The following PLEKHM3 variants were observed in gnomAD, a reference collection of about 807,000 sequenced individuals.
PLEKHM3 encodes the protein pleckstrin homology domain-containing family M member 3.
PLEKHM3 carries 45 observed loss-of-function variants against 81.8 expected under a neutral mutation model. That is an observed-to-expected ratio of 0.55 (90% CI 0.43 to 0.71). The LOEUF is 0.71. Ranked by LOEUF, PLEKHM3 falls within the 30% of genes least tolerant of loss-of-function variation. The pLI is 0.00. For synonymous variants in PLEKHM3, 352 were observed against 356.4 expected (o/e 0.99, Z 0.14); for missense variants, 788 against 924.3 (o/e 0.85, Z 1.91).
intron 6 of PLEKHM3, among the ~76,000 whole-genome samples, chr2:207,863,831 G>T (rs1245450910): frequency 6.6e-6 from 1 of 151,682 alleles, no homozygotes; most frequent in Non-Finnish European, 1.5e-5. Context: ...AATAATAAAA[G>T]AATAACTTTT....
chr2:207,840,810 T>A (rs570867569), intron 7 of PLEKHM3, among the ~76,000 whole-genome samples: 47 of 144,422 alleles, frequency 3.3e-4, no homozygotes, highest in South Asian at 1.1e-3. Context: ...TTTTTTTTTT[T>A]TTTTTTTTTT....
intron 7 of PLEKHM3, among the ~76,000 whole-genome samples, chr2:207,829,103 G>A (rs991813913): frequency 1.3e-5 from 2 of 152,110 alleles, no homozygotes; most frequent in Non-Finnish European, 2.9e-5. Context: ...TTTATAACAT[G>A]AGCGTGAACA....
intron 2 of PLEKHM3, among the ~76,000 whole-genome samples, chr2:207,980,962 T>C (rs1369578540): frequency 6.6e-6 from 1 of 151,970 alleles, no homozygotes; most frequent in Admixed American, 6.6e-5. Flanking sequence ...ACCCCATCTC[T>C]ACTAAAAATA....
chr2:207,954,043 A>C (rs1034579862), intron 3 of PLEKHM3, among the ~76,000 whole-genome samples: 8 of 152,266 alleles, frequency 5.3e-5, no homozygotes, highest in African/African-American at 1.7e-4. Context: ...ATTTCCAGCC[A>C]GGCACTGGTG....
At chr2:207,944,659 A>T (rs1264074671) in intron 4 of PLEKHM3, among the ~76,000 whole-genome samples, 1 of 152,208 alleles carries the variant, frequency 6.6e-6, no homozygotes, top group Admixed American at 6.5e-5. Flanking sequence ...TAAATGGAAT[A>T]CAACTTCAAC....
rs72373527 is a variant in PLEKHM3, at chr2:207,888,354, T to TACACACAC, written c.1950+20152_1950+20159dup. 4.9e-3 allele frequency among the ~76,000 whole-genome samples: 743 copies of TACACACAC among 150,176 alleles called. 7 individuals are homozygous for TACACACAC. Among genetic ancestry groups the TACACACAC allele is most frequent in the African/African-American group, 0.017 (713 of 40,976 alleles). On this transcript the variant is annotated intron_variant, in intron 6 of 7. Coordinates refer to ENST00000427836, the MANE Select transcript of PLEKHM3 (RefSeq NM_001080475.3). ...GTCTGCCTTATCCTGCTTTTCTTCA[T>TACACACAC]ACACACACACACACACACACACACT...
chr2:207,989,419 C>T (rs1314861839), intron 2 of PLEKHM3, among the ~76,000 whole-genome samples: 5 of 152,162 alleles, frequency 3.3e-5, no homozygotes, highest in Admixed American at 6.5e-5. Flanking sequence ...TATTCAGAGA[C>T]GGCAGGAAGG....
Position 207,948,771 on chromosome 2 carries a change from C to CT in PLEKHM3, c.1547-2260dup, listed in dbSNP as rs1176276445. Among the ~76,000 whole-genome samples, 415 of 152,258 alleles carry CT rather than the reference C, an allele frequency of 2.7e-3. 6 individuals carry two copies. The highest frequency in any genetic ancestry group is 9.5e-3 in the African/African-American group (394 of 41,560). On this transcript the variant is annotated intron_variant, in intron 3 of 7. Transcript: ENST00000427836. ...CGTTAGCCAGGATGGTCTCGATCTC[C>CT]TGACCTCGTGATCCGCCCGCCTCGG...
chr2:207,917,693 A>G (rs1268601337), intron 5 of PLEKHM3, among the ~76,000 whole-genome samples: 1 of 152,116 alleles, frequency 6.6e-6, no homozygotes, highest in African/African-American at 2.4e-5. Flanking sequence ...ACAAAAAATA[A>G]AAAAATTAAG....
chr2:207,987,525 G>A (rs1003536803), intron 2 of PLEKHM3, among the ~76,000 whole-genome samples: 5 of 152,224 alleles, frequency 3.3e-5, no homozygotes, highest in Admixed American at 2.0e-4. Context: ...GAAAGATGCT[G>A]AGACACATGC....
At chr2:208,016,664 A>ATACACACACAC (rs1325314479) in intron 1 of PLEKHM3, among the ~76,000 whole-genome samples, 1 of 26,740 alleles carries the variant, frequency 3.7e-5, no homozygotes, top group Admixed American at 4.9e-4. Context: ...AAAAAAAAAA[A>ATACACACACAC]AAAAATACAC....
At chr2:207,836,635 CA>C (rs2092321013) in intron 7 of PLEKHM3, among the ~76,000 whole-genome samples, 1 of 152,132 alleles carries the variant, frequency 6.6e-6, no homozygotes, top group Non-Finnish European at 1.5e-5. Context: ...GATGTGAGAC[CA>C]ATTAGAGACA....
intron 6 of PLEKHM3, among the ~76,000 whole-genome samples, chr2:207,887,879 G>A (rs936669951): frequency 1.3e-5 from 2 of 152,198 alleles, no homozygotes; most frequent in African/African-American, 4.8e-5. Flanking sequence ...GGACAAGTAC[G>A]TATTTGGCTA....
Position 207,828,319 on chromosome 2 carries a change from T to G in PLEKHM3, c.2286A>C (p.Ter762CysextTer39), listed in dbSNP as rs1575258009. Residue 762 changes from the stop codon to cysteine (C), a stop_lost, in exon 8 of 8, where the codon TGA (stop) becomes TGC (cysteine). Coordinates refer to ENST00000427836, the MANE Select transcript of PLEKHM3 (RefSeq NM_001080475.3). ...TMFELSYQNT[*>C] is the part of the protein sequence containing the mutation. The stretch of plus-strand genomic sequence containing the variant: ...TCCCTGGCCTTCGGGTCGGCTGGAG[T>G]CAGGTGTTCTGGTAGGACAGCTCGA... 6.2e-7 allele frequency: 1 copy of G among 1,604,118 alleles called. No individual in the cohort carries two copies.
At chr2:207,986,075 G>A (rs957545131) in intron 2 of PLEKHM3, among the ~76,000 whole-genome samples, 6 of 151,998 alleles carry the variant, frequency 3.9e-5, no homozygotes, top group African/African-American at 1.5e-4. Context: ...TGGGCTGCCC[G>A]GGTCAGAATA....
chr2:207,899,595 G>A (rs1173342387), intron 6 of PLEKHM3, among the ~76,000 whole-genome samples: 1 of 152,162 alleles, frequency 6.6e-6, no homozygotes, highest in African/African-American at 2.4e-5. Context: ...GTGCACAGGT[G>A]GGATGGAAAG....
At chr2:208,002,616 T>A (rs1390074325) in intron 1 of PLEKHM3, among the ~76,000 whole-genome samples, 1 of 152,126 alleles carries the variant, frequency 6.6e-6, no homozygotes. Flanking sequence ...TAAGGTGAAG[T>A]CATGGCCTGA....
intron 6 of PLEKHM3, among the ~76,000 whole-genome samples, 172 bp downstream of exon 6, chr2:207,908,342 T>G (rs1688688656): frequency 6.6e-6 from 1 of 152,232 alleles, no homozygotes; most frequent in African/African-American, 2.4e-5. Flanking sequence ...ACATTTGTTA[T>G]TGTCCCATAT....
intron 3 of PLEKHM3, among the ~76,000 whole-genome samples, chr2:207,966,116 A>C (rs1690899517): frequency 6.6e-6 from 1 of 152,230 alleles, no homozygotes; most frequent in South Asian, 2.1e-4. Flanking sequence ...CAGTTTTCAA[A>C]TTCTGTAAGG....
Sources: allele counts gnomAD v4.1 joint callset (sites outside exome capture counted in the v4.1 genomes callset), GRCh38; gene constraint gnomAD v4.1.1; transcripts MANE v1.5; gene names NCBI Gene and HGNC (gene_info 2026-07-23, HGNC 2026-07-21).